Variants in MAK observed in about 807,000 individuals in gnomAD.
The protein encoded by MAK is serine/threonine-protein kinase MAK.
MAK carries 65 observed loss-of-function variants against 82.6 expected under a neutral mutation model. The observed-to-expected ratio is 0.79, with a 90% CI of 0.64 to 0.97. MAK has a LOEUF of 0.97. MAK is among the 50% of genes least tolerant of loss of function. The pLI is 0.00. For synonymous variants in MAK, 250 were observed against 274.2 expected (o/e 0.91, Z 0.87); for missense variants, 703 against 780.2 (o/e 0.90, Z 1.18).
chr6:10,807,540 C>T (rs1017872907), intron 6 of MAK, among the ~76,000 whole-genome samples: 3 of 151,590 alleles, frequency 2.0e-5, no homozygotes, highest in Non-Finnish European at 4.4e-5. Flanking sequence ...GGGGTTTAGC[C>T]ATGTTGGCCA....
chr6:10,799,038 C>G (rs1209919283), intron 8 of MAK, among the ~76,000 whole-genome samples: 1 of 151,960 alleles, frequency 6.6e-6, no homozygotes, highest in Non-Finnish European at 1.5e-5. Flanking sequence ...GCCACGTTGG[C>G]CAGGCTGATC....
Position 10,793,569 on chromosome 6 carries a change from T to G in MAK, c.1144-1722A>C, listed in dbSNP as rs556509741. On this transcript the variant is annotated intron_variant, in intron 9 of 14. Coordinates refer to ENST00000354489, the MANE Select transcript of MAK (RefSeq NM_001242957.3). This position sits in a 1 kb window ranked among gnomAD's most constrained non-coding sequence, Gnocchi z 4.6. ...ATACACAAGTCAGAGGTACAGAATA[T>G]GCAATTTAGGAGAAGCATTTGTGAA... is the stretch of plus-strand genomic sequence containing the variant. 2.6e-5 allele frequency among the ~76,000 whole-genome samples: 4 copies of G among 152,288 alleles called. No individual in the cohort carries two copies. The highest frequency in any genetic ancestry group is 9.6e-5 in the African/African-American group (4 of 41,548).
At chr6:10,835,435 T>G (rs1227027282) in intron 1 of MAK, among the ~76,000 whole-genome samples, 1 of 152,230 alleles carries the variant, frequency 6.6e-6, no homozygotes, top group Non-Finnish European at 1.5e-5. Context: ...AATTTCTGTA[T>G]TTTTAGTAGA....
At chr6:10,836,117 G>A (rs888366444) in intron 1 of MAK, among the ~76,000 whole-genome samples, 3 of 152,214 alleles carry the variant, frequency 2.0e-5, no homozygotes, top group Non-Finnish European at 4.4e-5. Context: ...AGGATAGGGT[G>A]TACTTATATT....
chr6:10,833,272 C>A (rs1484541991), intron 1 of MAK, among the ~76,000 whole-genome samples: 5 of 152,280 alleles, frequency 3.3e-5, no homozygotes, highest in African/African-American at 1.2e-4. Context: ...CGTATCTGTT[C>A]ACAGAAAACT....
chr6:10,830,761 A>G lies in MAK; in HGVS notation c.-113T>C. 1 of 806,198 alleles carries G rather than the reference A, an allele frequency of 1.2e-6. No individual in the cohort carries two copies. The highest frequency in any genetic ancestry group is 1.4e-5 in the South Asian group (1 of 70,246). 49.9% of individuals were successfully genotyped at this position (806,198 alleles called of 1,614,324 possible). ...TTTGTCCTCACACTGTTGTTGCTAC[A>G]CTGGTGACAGGTTTGTCATCATTAA... On this transcript the variant is annotated 5_prime_UTR_variant, in exon 2 of 15. Transcript: ENST00000354489.
At chr6:10,834,841 C>T (rs555929573) in intron 1 of MAK, among the ~76,000 whole-genome samples, 2 of 152,112 alleles carry the variant, frequency 1.3e-5, no homozygotes, top group African/African-American at 2.4e-5. Context: ...AGGTCCGACC[C>T]GCAGACCCTG....
chr6:10,764,150 AGGGTTCTTATT>A lies in MAK; in HGVS notation c.*291_*301del. On this transcript the variant is annotated 3_prime_UTR_variant, in exon 15 of 15. Coordinates refer to ENST00000354489, the MANE Select transcript of MAK (RefSeq NM_001242957.3). ...ATTTTCTGGAAGTTGTTTTTTTTTA[AGGGTTCTTATT>A]GGATTTACTATTTATTAAATTGTAG... 1 of 281,812 alleles carries A rather than the reference AGGGTTCTTATT, an allele frequency of 3.5e-6. No individual in the cohort carries two copies. The highest frequency in any genetic ancestry group is 5.8e-5 in the South Asian group (1 of 17,224). 17.5% of individuals were successfully genotyped at this position (281,812 alleles called of 1,614,324 possible). A position where few individuals can be genotyped will look rare whatever the true frequency, so the allele number is the denominator to read the frequency against.
chr6:10,813,624 T>G lies in MAK; in HGVS notation c.358+20A>C. 7.1e-7 allele frequency: 1 copy of G among 1,416,954 alleles called. No individual in the cohort carries two copies. The highest frequency in any genetic ancestry group is 1.0e-6 in the Non-Finnish European group (1 of 1,000,774). The allele number at this position is 1,416,954 out of a possible 1,614,324, so 87.8% of individuals were successfully genotyped here. A position where few individuals can be genotyped will look rare whatever the true frequency, so the allele number is the denominator to read the frequency against. On this transcript the variant is annotated intron_variant, in intron 5 of 14. Transcript: ENST00000354489. Reference sequence around the variant, plus strand: ...CAGTAATCTAAAGAGGTAGGGAAATTAAACTTAAAAGAAACCTACCATGTT... The same window carrying G: ...CAGTAATCTAAAGAGGTAGGGAAATGAAACTTAAAAGAAACCTACCATGTT...
chr6:10,794,202 T>C (rs910270348), intron 9 of MAK, among the ~76,000 whole-genome samples: 4 of 152,208 alleles, frequency 2.6e-5, no homozygotes, highest in Non-Finnish European at 4.4e-5. Flanking sequence ...CTTTCTAATA[T>C]TCAGAACTGT....
At chr6:10,807,336 C>CTTTTTTTT (rs35237927) in intron 6 of MAK, among the ~76,000 whole-genome samples, 2 of 73,758 alleles carry the variant, frequency 2.7e-5, no homozygotes, top group African/African-American at 1.2e-4. Flanking sequence ...ACATATATTC[C>CTTTTTTTT]TTTTTTTTTT....
At chr6:10,810,509 G>A (rs1776851472) in intron 5 of MAK, among the ~76,000 whole-genome samples, 1 of 151,820 alleles carries the variant, frequency 6.6e-6, no homozygotes, top group Non-Finnish European at 1.5e-5. Context: ...TCGGCTAATT[G>A]TTTGTATTTT....
chr6:10,783,471 G>A (rs767102370), intron 11 of MAK, among the ~76,000 whole-genome samples: 16 of 152,002 alleles, frequency 1.1e-4, no homozygotes, highest in Admixed American at 2.6e-4. Context: ...AGTCACCACC[G>A]TTCACCCAGT....
chr6:10,780,794 CTA>C (rs1029379439), intron 11 of MAK, among the ~76,000 whole-genome samples: 1 of 152,144 alleles, frequency 6.6e-6, no homozygotes, highest in African/African-American at 2.4e-5. Context: ...ACAGTGAAAA[CTA>C]TCTCTCATGA....
At position 10,764,033 on chromosome 6, in the gene MAK, A is replaced by G. The variant is rs1772172284; in HGVS notation, c.*419T>C. 1.2e-5 allele frequency: 2 copies of G among 166,186 alleles called. No homozygotes were observed. Among genetic ancestry groups the G allele is most frequent in the South Asian group, 3.2e-4 (2 of 6,344 alleles). 10.3% of individuals were successfully genotyped at this position (166,186 alleles called of 1,614,324 possible). A position where few individuals can be genotyped will look rare whatever the true frequency, so the allele number is the denominator to read the frequency against. On this transcript the variant is annotated 3_prime_UTR_variant, in exon 15 of 15. Transcript: ENST00000354489. ...TTGGCCCAACTGCTGTACAAAAACAAAAGACAAACCTCTTAAGCCAACCAC... is the reference window on the plus strand; with the variant it reads ...TTGGCCCAACTGCTGTACAAAAACAGAAGACAAACCTCTTAAGCCAACCAC...
chr6:10,830,601 C>A lies in MAK; in HGVS notation c.48G>T (p.Gly16=). 6.2e-7 allele frequency: 1 copy of A among 1,614,172 alleles called. No individual in the cohort carries two copies. Among genetic ancestry groups the A allele is most frequent in the Non-Finnish European group, 8.5e-7 (1 of 1,180,020 alleles). ...CATTACTCTTGCCCATAAGCACACT[C>A]CCATACGTGCCGTCCCCCAACTGTC... is the stretch of plus-strand genomic sequence containing the variant. ...TMRQLGDGTY[G]SVLMGKSNES... is the part of the protein sequence containing the mutation. The change falls in exon 2 of 15, where the codon GGG becomes GGT. Residue 16 remains glycine (G), a synonymous_variant. Transcript: ENST00000354489.
intron 7 of MAK, 120 bp from the exon 8 acceptor site, chr6:10,802,179 C>T (rs1221705150): frequency 5.4e-6 from 4 of 741,962 alleles, no homozygotes; most frequent in Non-Finnish European, 8.9e-6. Context: ...TCATGTTGAT[C>T]CATATAAACA....
chr6:10,775,569 G>A (rs901632088), intron 11 of MAK, 110 bp from the exon 12 acceptor site: 32 of 1,215,172 alleles, frequency 2.6e-5, no homozygotes, highest in Non-Finnish European at 4.8e-6. Flanking sequence ...CAGGAGAATG[G>A]AAATAAATCT....
In MAK at chr6:10,830,579, T is replaced by A; in HGVS notation, c.70A>T (p.Asn24Tyr). The A allele has an allele frequency of 6.2e-7, 1 of 1,614,152 alleles. No individual in the cohort carries two copies. The highest frequency in any genetic ancestry group is 8.5e-7 in the Non-Finnish European group (1 of 1,179,992). The change falls in exon 2 of 15, where the codon AAT becomes TAT. Residue 24 changes from asparagine (N) to tyrosine (Y), a missense_variant. Coordinates refer to ENST00000354489, the MANE Select transcript of MAK (RefSeq NM_001242957.3). ...TYGSVLMGKS[N>Y]ESGELVAIKR... is the part of the protein sequence containing the mutation. The stretch of plus-strand genomic sequence containing the variant: ...ATGGCCACCAGCTCCCCGGATTCAT[T>A]ACTCTTGCCCATAAGCACACTCCCA...
Sources: gnomAD v4.1 joint callset for allele counts (sites outside exome capture counted in the v4.1 genomes callset) on GRCh38, gnomAD v4.1.1 for gene constraint, Gnocchi (gnomAD v3.1) non-coding constraint, MANE v1.5 for transcripts, NCBI Gene and HGNC (gene_info 2026-07-23, HGNC 2026-07-21) for gene names.